The following ITIH3 variants were observed in gnomAD, a reference collection of about 807,000 sequenced individuals.
ITIH3 encodes inter-alpha-trypsin inhibitor heavy chain 3, also known as inter-alpha-trypsin inhibitor heavy chain H3.
In ITIH3, 81 loss-of-function variants were observed where a neutral mutation model predicts 96.5. The observed-to-expected ratio is 0.84, with a 90% CI of 0.70 to 1.01. ITIH3 has a LOEUF of 1.01. ITIH3 is among the 50% of genes least tolerant of loss of function. The probability of loss-of-function intolerance (pLI) is 0.00; values close to 1 mark genes in which losing one functional copy is unlikely to be tolerated. For missense variants in ITIH3, 1,057 were observed against 1,139.3 expected (o/e 0.93, Z 1.04); for synonymous variants, 422 against 445.2 (o/e 0.95, Z 0.66).
intron 1 of ITIH3, 139 bp from the exon 2 acceptor site, chr3:52,795,464 A>C: frequency 1.2e-6 from 1 of 821,224 alleles, no homozygotes; most frequent in Non-Finnish European, 1.9e-6. Flanking sequence ...GGAGGGTCCT[A>C]TGTCTGGGGG....
intron 15 of ITIH3, 125 bp from the exon 16 acceptor site, chr3:52,805,683 T>G (rs1029637294): frequency 6.5e-7 from 1 of 1,533,826 alleles, no homozygotes; most frequent in African/African-American, 1.4e-5. Flanking sequence ...TAGTCACATC[T>G]CCACCTCTAT....
intron 15 of ITIH3, chr3:52,805,019 T>G: frequency 2.2e-6 from 1 of 461,064 alleles, no homozygotes; most frequent in South Asian, 2.7e-5. Flanking sequence ...CATTTATACT[T>G]CATTAGTCCC....
chr3:52,795,819 C>G, intron 2 of ITIH3, 196 bp downstream of exon 2: 2 of 566,286 alleles, frequency 3.5e-6, no homozygotes, highest in African/African-American at 1.9e-5. Context: ...CCTCCAACCT[C>G]GCAGGATGTA....
chr3:52,806,014 A>AG, intron 16 of ITIH3, 89 bp from the exon 17 acceptor site: 1 of 1,489,762 alleles, frequency 6.7e-7, no homozygotes, highest in Non-Finnish European at 9.1e-7. Flanking sequence ...AGGGGAGGGG[A>AG]GGGGCATAAG....
chr3:52,800,861 C>T (rs942683957), intron 10 of ITIH3, 104 bp from the exon 11 acceptor site: 7 of 1,523,900 alleles, frequency 4.6e-6, no homozygotes, highest in Non-Finnish European at 6.3e-6. Flanking sequence ...ATGGTCGTGA[C>T]TCCAGCAACT....
In ITIH3 at chr3:52,800,572, C is replaced by T. The variant is rs1223531286; in HGVS notation, c.1110C>T (p.Ile370=). ...TNINDGLLRG[I]SMLNKAREEH... ...TCAATGACGGGCTGCTGAGGGGCAT[C>T]AGTATGCTGAACAAGGCCCGAGAGG... Residue 370 remains isoleucine (I), a synonymous_variant, in exon 10 of 22, where the codon ATC becomes ATT. Coordinates refer to ENST00000449956, the MANE Select transcript of ITIH3 (RefSeq NM_002217.4). 8 of 1,561,828 alleles carry T rather than the reference C, an allele frequency of 5.1e-6. No homozygotes were observed. In the East Asian group the frequency reaches 1.7e-4, roughly 33 times the overall value.
Position 52,806,372 on chromosome 3 carries a change from C to A in ITIH3, c.2022C>A (p.Gly674=). 1 of 1,613,976 alleles carries A rather than the reference C, an allele frequency of 6.2e-7. No homozygotes were observed. The highest frequency in any genetic ancestry group is 8.5e-7 in the Non-Finnish European group (1 of 1,179,876). The change falls in exon 18 of 22, where the codon GGC becomes GGA. Residue 674 remains glycine (G), a synonymous_variant. Coordinates refer to ENST00000449956, the MANE Select transcript of ITIH3 (RefSeq NM_002217.4). ...GCTTCAACATCGATGAAGCCCCAGG[C>A]ACAGTGCTGCGCCTTATTCAGGATG... ...ALCFNIDEAP[G]TVLRLIQDAV... is the part of the protein sequence containing the mutation.
In ITIH3 at chr3:52,808,141, G is replaced by A. The variant is rs1010138161; in HGVS notation, c.2463G>A (p.Val821=). ...GQFFQPFDFK[V]SDIRPGSDPT... is the part of the protein sequence containing the mutation. ...TCTTCCAACCCTTTGACTTTAAAGT[G>A]TCTGACATCCGGCCAGGCTCTGACC... The change falls in exon 21 of 22, where the codon GTG becomes GTA. Residue 821 remains valine (V), a synonymous_variant. Coordinates refer to ENST00000449956, the MANE Select transcript of ITIH3 (RefSeq NM_002217.4). The A allele has an allele frequency of 2.5e-6, 4 of 1,614,198 alleles. No individual in the cohort carries two copies. Among genetic ancestry groups the A allele is most frequent in the African/African-American group, 2.7e-5 (2 of 75,062 alleles).
intron 5 of ITIH3, 23 bp from the exon 6 acceptor site, chr3:52,797,794 T>G: frequency 6.6e-7 from 1 of 1,507,498 alleles, no homozygotes; most frequent in South Asian, 1.2e-5. Flanking sequence ...CTGAGTGACA[T>G]TTCCTTACTT....
At position 52,800,828 on chromosome 3, in the gene ITIH3, C is replaced by T; in HGVS notation, c.1202-137C>T. 11 of 1,456,316 alleles carry T rather than the reference C, an allele frequency of 7.6e-6. No individual in the cohort carries two copies. In the South Asian group the frequency reaches 1.3e-4, roughly 17 times the overall value. 90.2% of individuals were successfully genotyped at this position (1,456,316 alleles called of 1,614,324 possible). On this transcript the variant is annotated intron_variant, in intron 10 of 21. Transcript: ENST00000449956. ...CCTGCCTCCCTCTGCCAGGGCTCTC[C>T]ACCACCTGCCCCACAAGGGCTCATG...
Position 52,802,786 on chromosome 3 carries a change from T to G in ITIH3, c.1689T>G (p.Ile563Met). The change falls in exon 13 of 22, where the codon ATT (isoleucine) becomes ATG (methionine). Residue 563 changes from isoleucine to methionine, a missense_variant. Physicochemically the swap from Ile to Met is conservative, Grantham distance 10. Coordinates refer to ENST00000449956, the MANE Select transcript of ITIH3 (RefSeq NM_002217.4). Reference protein sequence around the residue: ...YIERLWAYLTIEQLLEKRKNA... With the variant: ...YIERLWAYLTMEQLLEKRKNA... ...AGCGGCTCTGGGCCTACCTCACCATTGAGCAGCTGCTGGAGAAGCGGTGAG... is the reference window on the plus strand; with the variant it reads ...AGCGGCTCTGGGCCTACCTCACCATGGAGCAGCTGCTGGAGAAGCGGTGAG... 6.2e-7 allele frequency: 1 copy of G among 1,613,960 alleles called. No individual in the cohort carries two copies. The highest frequency in any genetic ancestry group is 8.5e-7 in the Non-Finnish European group (1 of 1,179,862).
Position 52,796,113 on chromosome 3 carries a change from T to C in ITIH3, c.115-368T>C, listed in dbSNP as rs1487778980. 1.5e-5 allele frequency: 4 copies of C among 259,596 alleles called. No homozygotes were observed. In the South Asian group the frequency reaches 2.7e-4, roughly 18 times the overall value. 16.1% of individuals were successfully genotyped at this position (259,596 alleles called of 1,614,324 possible). ...CCAGGAGGTGGGCTGGGCTGTGTGC[T>C]TGAGGGAGTGTGAGGTGTGGAGGAT... is the stretch of plus-strand genomic sequence containing the variant. On this transcript the variant is annotated intron_variant, in intron 2 of 21. Transcript: ENST00000449956.
intron 6 of ITIH3, chr3:52,798,470 G>A (rs913588457): frequency 5.7e-6 from 1 of 175,898 alleles, no homozygotes; most frequent in African/African-American, 2.4e-5. Flanking sequence ...GCTTCTGCAG[G>A]GCCACATCCT....
chr3:52,802,206 C>A, intron 11 of ITIH3, 128 bp from the exon 12 acceptor site: 1 of 958,508 alleles, frequency 1.0e-6, no homozygotes, highest in Non-Finnish European at 1.5e-6. Flanking sequence ...AGGACGCAGT[C>A]AGGGACAGGC....
intron 15 of ITIH3, chr3:52,805,594 C>T (rs541885034): frequency 9.4e-6 from 13 of 1,377,900 alleles, no homozygotes; most frequent in Middle Eastern, 1.9e-4. Context: ...CCTGCGCCAA[C>T]GTTAAAATCA....
intron 15 of ITIH3, chr3:52,805,412 T>C: frequency 9.6e-7 from 1 of 1,046,292 alleles, no homozygotes; most frequent in South Asian, 3.2e-5. Flanking sequence ...TGTGTGCGCC[T>C]GTGTGCACGT....
At chr3:52,806,230 G>T in intron 17 of ITIH3, 63 bp from the exon 18 acceptor site, 1 of 1,597,654 alleles carries the variant, frequency 6.3e-7, no homozygotes, top group Middle Eastern at 1.7e-4. Flanking sequence ...CCAGAAGGCT[G>T]GGGGAGGCCC....
At position 52,802,350 on chromosome 3, in the gene ITIH3, T is replaced by C. The variant is rs746529437; in HGVS notation, c.1400T>C (p.Val467Ala). The C allele has an allele frequency of 4.3e-6, 7 of 1,613,456 alleles. No individual in the cohort carries two copies. The highest frequency in any genetic ancestry group is 1.7e-5 in the Admixed American group (1 of 59,962). ...DLQLQGFYEE[V>A]ANPLLTGVEM... Reference sequence around the variant, plus strand: ...GAACTTCAGGGCTTCTATGAGGAGGTGGCCAACCCACTGCTGACGGGTGTG... The same window carrying C: ...GAACTTCAGGGCTTCTATGAGGAGGCGGCCAACCCACTGCTGACGGGTGTG... Residue 467 changes from valine to alanine, a missense_variant, in exon 12 of 22, where the codon GTG becomes GCG. Coordinates refer to ENST00000449956, the MANE Select transcript of ITIH3 (RefSeq NM_002217.4).
chr3:52,808,236 C>T lies in ITIH3; in HGVS notation c.2543+15C>T, dbSNP rs201063411. 8.2e-6 allele frequency: 13 copies of T among 1,586,572 alleles called. No individual in the cohort carries two copies. The East Asian group carries it at 2.9e-4, about 35-fold the overall frequency. ...ATTGTCACCAGGTGAGGAGACTTCT[C>T]CCACACCCTCACCTGCTCAGCAACG... On this transcript the variant is annotated intron_variant, in intron 21 of 21. Transcript: ENST00000449956.
Sources: gnomAD v4.1 joint callset for allele counts on GRCh38, gnomAD v4.1.1 for gene constraint, MANE v1.5 for transcripts, NCBI Gene and HGNC (gene_info 2026-07-23, HGNC 2026-07-21) for gene names.